The following XDH variants were observed in gnomAD, a reference collection of about 807,000 sequenced individuals.
XDH encodes xanthine dehydrogenase.
Under a neutral mutation model 156.1 loss-of-function variants are expected in XDH, and 138 were observed. The observed-to-expected ratio is 0.88, with a 90% CI of 0.77 to 1.02. XDH has a LOEUF of 1.02. Among genes scored for constraint, XDH ranks in the 50% least tolerant of loss-of-function variants. XDH has a pLI of 0.00. For synonymous variants in XDH, 669 were observed against 625.7 expected, an observed-to-expected ratio of 1.07 and a Z score of -1.03; for missense variants, 1,849 against 1,684.9, an observed-to-expected ratio of 1.10 and a Z score of -1.71.
At chr2:31,337,930 A>C in intron 34 of XDH, 113 bp from the exon 35 acceptor site, 1 of 1,192,614 alleles carries the variant, frequency 8.4e-7, no homozygotes, top group Non-Finnish European at 1.2e-6. Context: ...GGCTGGTGGC[A>C]CCAGGAAAGC....
At position 31,366,092 on chromosome 2, in the gene XDH, C is replaced by A. The variant is rs771304900; in HGVS notation, c.2340G>T (p.Met780Ile). ...TMKTQSFVAKMLGVPANRIVV... is the reference protein window; with the variant it reads ...TMKTQSFVAKILGVPANRIVV... ...CAATCCGGTTTGCTGGAACCCCCAA[C>A]ATTTTTGCAACAAAGCTCTGTGAGT... The change falls in exon 22 of 36, where the codon ATG becomes ATT. Residue 780 changes from methionine to isoleucine, a missense_variant. Transcript: ENST00000379416. The A allele has an allele frequency of 6.2e-7, 1 of 1,614,206 alleles. No individual in the cohort carries two copies. Among genetic ancestry groups the A allele is most frequent in the Admixed American group, 1.7e-5 (1 of 60,028 alleles).
At chr2:31,350,287 G>A (rs929983634) in intron 24 of XDH, 64 bp from the exon 25 acceptor site, 1 of 1,536,546 alleles carries the variant, frequency 6.5e-7, no homozygotes, top group Non-Finnish European at 9.0e-7. Context: ...CCTCAAAGTA[G>A]GAACTTTGAG....
chr2:31,376,672 T>C (rs979506489), intron 14 of XDH, among the ~76,000 whole-genome samples: 2 of 149,886 alleles, frequency 1.3e-5, no homozygotes, highest in Middle Eastern at 3.5e-3. Flanking sequence ...GCTGCAGTGA[T>C]AGTAGTAGCA....
chr2:31,342,227 C>A lies in XDH; in HGVS notation c.3475G>T (p.Ala1159Ser). 1 of 1,614,134 alleles carries A rather than the reference C, an allele frequency of 6.2e-7. No individual in the cohort carries two copies. Among genetic ancestry groups the A allele is most frequent in the African/African-American group, 1.3e-5 (1 of 75,050 alleles). ...NPFHYFSYGV[A>S]CSEVEIDCLT... ...CAGTCGATTTCTACTTCAGAGCAAG[C>A]CACCCCATAGCTGAAGTAGTGGAAG... The change falls in exon 32 of 36, where the codon GCT (alanine) becomes TCT (serine). Residue 1159 changes from alanine (A) to serine (S), a missense_variant. By Grantham distance (99) the Ala-to-Ser change is moderately conservative. Coordinates refer to ENST00000379416, the MANE Select transcript of XDH (RefSeq NM_000379.4).
At chr2:31,399,092 T>C (rs1686988985) in intron 4 of XDH, among the ~76,000 whole-genome samples, 1 of 152,230 alleles carries the variant, frequency 6.6e-6, no homozygotes, top group Non-Finnish European at 1.5e-5. Context: ...GTGTGGCATA[T>C]GACAGAAACA....
chr2:31,339,796 G>T, intron 33 of XDH, 119 bp from the exon 34 acceptor site: 2 of 1,274,212 alleles, frequency 1.6e-6, no homozygotes, highest in Non-Finnish European at 1.1e-6. Context: ...AGCTAAAACT[G>T]CCCTCTATTG....
At chr2:31,379,414 C>T (rs1382985986) in intron 13 of XDH, among the ~76,000 whole-genome samples, 2 of 152,166 alleles carry the variant, frequency 1.3e-5, no homozygotes, top group South Asian at 2.1e-4. Flanking sequence ...AAGCAAATTT[C>T]CTCTGACATG....
intron 13 of XDH, 61 bp from the exon 14 acceptor site, chr2:31,377,298 GACCCAAA>G: frequency 1.3e-6 from 2 of 1,597,082 alleles, no homozygotes; most frequent in African/African-American, 2.7e-5. Context: ...GCAAATGGCA[GACCCAAA>G]CCACAGGGCT....
chr2:31,388,426 C>A, intron 6 of XDH, 131 bp from the exon 7 acceptor site: 1 of 993,450 alleles, frequency 1.0e-6, no homozygotes, highest in East Asian at 2.5e-5. Context: ...CAGGGGCATC[C>A]TGCCTGCCTG....
At chr2:31,376,467 T>C (rs1005245425) in intron 14 of XDH, among the ~76,000 whole-genome samples, 1 of 149,216 alleles carries the variant, frequency 6.7e-6, no homozygotes, top group Non-Finnish European at 1.5e-5. Context: ...GTAGTAGTAG[T>C]AGTAATTTCA....
rs202112369 is a variant in XDH, at chr2:31,370,423, C to A, written c.1912G>T (p.Ala638Ser). 6.2e-7 allele frequency: 1 copy of A among 1,614,142 alleles called. No individual in the cohort carries two copies. Among genetic ancestry groups the A allele is most frequent in the South Asian group, 1.1e-5 (1 of 91,078 alleles). The change falls in exon 18 of 36, where the codon GCT (alanine) becomes TCT (serine). Residue 638 changes from alanine to serine, a missense_variant. Transcript: ENST00000379416. ...ATGTTACTCCCAGGAACATCATCAG[C>A]GGAAATGAAACAAACAAACCCTGGA... ...KVPGFVCFIS[A>S]DDVPGSNITG...
intron 1 of XDH, among the ~76,000 whole-genome samples, chr2:31,407,257 C>A (rs184315693): frequency 1.3e-5 from 2 of 151,976 alleles, no homozygotes; most frequent in East Asian, 1.9e-4. Flanking sequence ...AAATTAATAC[C>A]GACAATGACA....
At chr2:31,378,115 G>GAAAGAAAGAAAGAAAGAAAGAAA (rs1558696682) in intron 13 of XDH, among the ~76,000 whole-genome samples, 2 of 35,448 alleles carry the variant, frequency 5.6e-5, no homozygotes, top group African/African-American at 2.4e-4. Context: ...AGAAAGGAAG[G>GAAAGAAAGAAAGAAAGAAAGAAA]AAGGAAGGAA....
chr2:31,375,703 T>A, intron 14 of XDH, 149 bp from the exon 15 acceptor site: 2 of 757,838 alleles, frequency 2.6e-6, no homozygotes, highest in South Asian at 1.7e-5. Context: ...TAGGCAACTT[T>A]AATTAATCTC....
intron 1 of XDH, among the ~76,000 whole-genome samples, chr2:31,408,475 G>A (rs1687252083): frequency 6.6e-6 from 1 of 152,238 alleles, no homozygotes; most frequent in Non-Finnish European, 1.5e-5. Context: ...GTTGGGTTAA[G>A]CAGATTGCTC....
chr2:31,345,059 G>A (rs907877743), intron 30 of XDH, among the ~76,000 whole-genome samples: 1 of 152,044 alleles, frequency 6.6e-6, no homozygotes, highest in African/African-American at 2.4e-5. Flanking sequence ...GCTCCTTATT[G>A]CCTGTAGAGC....
intron 24 of XDH, among the ~76,000 whole-genome samples, chr2:31,359,487 G>A (rs1231007475): frequency 6.6e-6 from 1 of 151,904 alleles, no homozygotes; most frequent in Non-Finnish European, 1.5e-5. Context: ...TATCAAAGAT[G>A]TTTTTTTCCA....
At chr2:31,412,300 T>C (rs1342289680) in intron 1 of XDH, among the ~76,000 whole-genome samples, 2 of 152,172 alleles carry the variant, frequency 1.3e-5, no homozygotes, top group Non-Finnish European at 1.5e-5. Flanking sequence ...ACTTCTTGCA[T>C]CGAACACCTT....
intron 24 of XDH, among the ~76,000 whole-genome samples, chr2:31,359,983 T>C (rs776614908): frequency 6.6e-5 from 10 of 152,192 alleles, no homozygotes; most frequent in African/African-American, 9.7e-5. Flanking sequence ...TGCTTGAGCA[T>C]TGGAGAATGT....
Sources: gnomAD v4.1 joint callset for allele counts (sites outside exome capture counted in the v4.1 genomes callset) on GRCh38, gnomAD v4.1.1 for gene constraint, MANE v1.5 for transcripts, NCBI Gene and HGNC (gene_info 2026-07-23, HGNC 2026-07-21) for gene names.